The following SMC2 variants were observed in gnomAD, a reference collection of about 807,000 sequenced individuals.
The protein encoded by SMC2 is structural maintenance of chromosomes 2, also known as structural maintenance of chromosomes protein 2.
Under a neutral mutation model 142.6 loss-of-function variants are expected in SMC2, and 41 were observed. That is an observed-to-expected ratio of 0.29 (90% CI 0.22 to 0.37). The LOEUF (loss-of-function observed/expected upper bound fraction) is 0.37, where lower values mean the gene tolerates loss of function less well. Ranked by LOEUF, SMC2 falls within the 10% of genes least tolerant of loss-of-function variation. The pLI is 1.00. For synonymous variants in SMC2, 463 were observed against 457.5 expected, an observed-to-expected ratio of 1.01 and a Z score of -0.15; for missense variants, 1,265 against 1,373.7, an observed-to-expected ratio of 0.92 and a Z score of 1.25.
chr9:104,093,823 A>AC (rs11419914), upstream of SMC2, among the ~76,000 whole-genome samples: 129,115 of 152,156 alleles, frequency 0.85, 54,875 homozygotes, highest in East Asian at 0.95. Flanking sequence ...TCTGGCCCCA[A>AC]GAAGTACAGC....
chr9:104,121,711 T>C (rs1267648804), intron 16 of SMC2, among the ~76,000 whole-genome samples: 2 of 152,194 alleles, frequency 1.3e-5, no homozygotes, highest in East Asian at 3.9e-4. Context: ...ACCAAGACTT[T>C]TGAGGACACT....
chr9:104,113,301 AT>A lies in SMC2; in HGVS notation c.1255-10del. 2 of 1,594,998 alleles carry A rather than the reference AT, an allele frequency of 1.3e-6. No individual in the cohort carries two copies. The highest frequency in any genetic ancestry group is 1.1e-5 in the South Asian group (1 of 87,106). On this transcript the variant is annotated splice_polypyrimidine_tract_variant and intron_variant, in intron 10 of 24. Coordinates refer to ENST00000374793, the MANE Select transcript of SMC2 (RefSeq NM_006444.3). ...CCTCATACATCCTATGGTCTGTTGC[AT>A]TTTTCTGCCACAGGCTCAGATGAAG...
intron 19 of SMC2, 93 bp downstream of exon 19, chr9:104,126,877 T>TGATGTTTGACTTTAGTG: frequency 1.6e-6 from 2 of 1,227,312 alleles, no homozygotes; most frequent in African/African-American, 3.1e-5. Flanking sequence ...TTCTCAGTCT[T>TGATGTTTGACTTTAGTG]TTCACTCGTC....
At chr9:104,114,962 G>T in intron 13 of SMC2, 133 bp downstream of exon 13, 1 of 611,664 alleles carries the variant, frequency 1.6e-6, no homozygotes, top group Non-Finnish European at 2.5e-6. Context: ...AAAACTATTT[G>T]GTTCATAACT....
rs1213784786 is a variant in SMC2 at position 104,095,367 on chromosome 9, C to A, written c.-18C>A. The A allele has an allele frequency of 1.2e-6, 2 of 1,608,724 alleles. No individual in the cohort carries two copies. Among genetic ancestry groups the A allele is most frequent in the Non-Finnish European group, 1.7e-6 (2 of 1,177,638 alleles). On this transcript the variant is annotated 5_prime_UTR_variant, in exon 2 of 25. Coordinates refer to ENST00000374793, the MANE Select transcript of SMC2 (RefSeq NM_006444.3). ...TTGATTCCTGTCAGAGGTTTGCTGA[C>A]CCAAGACAGTATCGAAAATGCATAT...
At chr9:104,089,795 T>C (rs1290006161), upstream of SMC2, among the ~76,000 whole-genome samples, 1 of 152,004 alleles carries the variant, frequency 6.6e-6, no homozygotes, top group Non-Finnish European at 1.5e-5. Flanking sequence ...ATTACAGGCA[T>C]GCATCACCAC....
At chr9:104,129,429 G>A (rs112169723) in intron 20 of SMC2, among the ~76,000 whole-genome samples, 2 of 151,686 alleles carry the variant, frequency 1.3e-5, no homozygotes, top group African/African-American at 4.8e-5. Context: ...TTGAACCTGG[G>A]AGGTGTAAGT....
chr9:104,125,117 T>C lies in SMC2; in HGVS notation c.2451+12T>C, dbSNP rs1316493742. On this transcript the variant is annotated intron_variant, in intron 18 of 24. Coordinates refer to ENST00000374793, the MANE Select transcript of SMC2 (RefSeq NM_006444.3). ...AAGAAAAACAACAGGTAATAACTTC[T>C]TTTTGAAATTGAACCAACCTTTTAA... 6 of 1,558,104 alleles carry C rather than the reference T, an allele frequency of 3.9e-6. No homozygotes were observed. Among genetic ancestry groups the C allele is most frequent in the Non-Finnish European group, 5.2e-6 (6 of 1,158,950 alleles).
At chr9:104,105,623 A>G (rs1217063190) in intron 9 of SMC2, among the ~76,000 whole-genome samples, 4 of 152,036 alleles carry the variant, frequency 2.6e-5, no homozygotes, top group Admixed American at 6.5e-5. Flanking sequence ...CACTGAGGTT[A>G]TGTTAGTTTT....
intron 5 of SMC2, 113 bp from the exon 6 acceptor site, chr9:104,099,980 C>A: frequency 1.5e-6 from 1 of 683,368 alleles, no homozygotes; most frequent in Non-Finnish European, 2.5e-6. Flanking sequence ...TTCATTTGGG[C>A]CAACTTTTGG....
chr9:104,101,257 T>C (rs1471707912), intron 7 of SMC2, among the ~76,000 whole-genome samples: 1 of 152,116 alleles, frequency 6.6e-6, no homozygotes, highest in Non-Finnish European at 1.5e-5. Flanking sequence ...TAAAGCTATC[T>C]CCTTTTAGGA....
chr9:104,100,449 G>A lies in SMC2; in HGVS notation c.636+16G>A, dbSNP rs549805337. 7.0e-7 allele frequency: 1 copy of A among 1,421,378 alleles called. No homozygotes were observed. The highest frequency in any genetic ancestry group is 1.4e-5 in the African/African-American group (1 of 69,714). The allele number at this position is 1,421,378 out of a possible 1,614,324, so 88.0% of individuals were successfully genotyped here. On this transcript the variant is annotated intron_variant, in intron 7 of 24. Coordinates refer to ENST00000374793, the MANE Select transcript of SMC2 (RefSeq NM_006444.3). ...ATTAAAAGAGGTATATTCTGTATATGTGAGGATAATCTATTAGAATGTCTT... is the reference window on the plus strand; with the variant it reads ...ATTAAAAGAGGTATATTCTGTATATATGAGGATAATCTATTAGAATGTCTT...
At chr9:104,125,261 A>G (rs979022701) in intron 18 of SMC2, among the ~76,000 whole-genome samples, 156 bp downstream of exon 18, 3 of 151,144 alleles carry the variant, frequency 2.0e-5, no homozygotes, top group African/African-American at 4.9e-5. Flanking sequence ...CTTACAAGTC[A>G]AAGGAGTATC....
chr9:104,135,902 A>C (rs909183124), intron 23 of SMC2: 8 of 518,652 alleles, frequency 1.5e-5, no homozygotes, highest in Non-Finnish European at 3.1e-5. Flanking sequence ...AGGTTAAAGG[A>C]AGTTCTCAGG....
rs1835886434 is a variant in SMC2, at chr9:104,139,481, C to T, written c.*166C>T. On this transcript the variant is annotated 3_prime_UTR_variant, in exon 25 of 25. Transcript: ENST00000374793. ...CGCTTACAAATGAGCATATATTCCT[C>T]ATCTCTTAACTAGTCTAATTATGGT... 1 of 524,056 alleles carries T rather than the reference C, an allele frequency of 1.9e-6. No individual in the cohort carries two copies. Among genetic ancestry groups the T allele is most frequent in the Non-Finnish European group, 3.3e-6 (1 of 303,518 alleles). 32.5% of individuals were successfully genotyped at this position (524,056 alleles called of 1,614,324 possible). A position where few individuals can be genotyped will look rare whatever the true frequency, so the allele number is the denominator to read the frequency against.
intron 10 of SMC2, among the ~76,000 whole-genome samples, chr9:104,112,297 A>G (rs1832549887): frequency 6.6e-6 from 1 of 152,152 alleles, no homozygotes; most frequent in African/African-American, 2.4e-5. Context: ...ACATGTAGCC[A>G]CATTCTAGTC....
intron 24 of SMC2, among the ~76,000 whole-genome samples, chr9:104,138,749 T>TG (rs780437492): frequency 7.2e-5 from 11 of 152,120 alleles, no homozygotes; most frequent in Non-Finnish European, 1.5e-4. Flanking sequence ...TAACATTGAA[T>TG]GGGGCGGCGG....
At chr9:104,112,588 T>G (rs917555086) in intron 10 of SMC2, among the ~76,000 whole-genome samples, 1 of 152,152 alleles carries the variant, frequency 6.6e-6, no homozygotes, top group Non-Finnish European at 1.5e-5. Flanking sequence ...TAGTCACAAA[T>G]TTATAAGAAC....
Position 104,113,433 on chromosome 9 carries a change from A to C in SMC2, c.1372A>C (p.Lys458Gln). The C allele has an allele frequency of 6.2e-7, 1 of 1,603,048 alleles. No individual in the cohort carries two copies. The highest frequency in any genetic ancestry group is 8.5e-7 in the Non-Finnish European group (1 of 1,175,690). The change falls in exon 11 of 25, where the codon AAA (lysine) becomes CAA (glutamine). Residue 458 changes from lysine to glutamine, a missense_variant. Around this residue, in one of 4 missense-constraint regions of SMC2, gnomAD observed 898 missense variants for 904.2 expected, o/e 0.99. Coordinates refer to ENST00000374793, the MANE Select transcript of SMC2 (RefSeq NM_006444.3). ...AGCTCTAGAAGCTGTAAAAAGACTT[A>C]AAGAAAAACTTGAAGCTGAAATGAA... Reference protein sequence around the residue: ...QEALEAVKRLKEKLEAEMKKL... With the variant: ...QEALEAVKRLQEKLEAEMKKL...
Sources: gnomAD v4.1 joint callset for allele counts (sites outside exome capture counted in the v4.1 genomes callset) on GRCh38, gnomAD v4.1.1 for gene constraint, gnomAD v4.1.1 regional missense constraint, MANE v1.5 for transcripts, NCBI Gene and HGNC (gene_info 2026-07-23, HGNC 2026-07-21) for gene names.